The following UNC13C variants were observed in gnomAD, a reference collection of about 807,000 sequenced individuals.
UNC13C encodes protein unc-13 homolog C.
A neutral mutation model predicts 245.4 loss-of-function variants in UNC13C; 174 were observed. The ratio of observed to expected loss-of-function variants is 0.71; its 90% CI spans 0.63 to 0.80. The LOEUF (loss-of-function observed/expected upper bound fraction) is 0.80. Among genes scored for constraint, UNC13C ranks in the 30% least tolerant of loss-of-function variants. UNC13C has a pLI of 0.00. For missense variants in UNC13C, 2,829 were observed against 2,602.9 expected, an observed-to-expected ratio of 1.09 and a Z score of -1.89; for synonymous variants, 992 against 895.1, an observed-to-expected ratio of 1.11 and a Z score of -1.93.
At chr15:53,983,294 C>G (rs896833304) in intron 1 of UNC13C, among the ~76,000 whole-genome samples, 6 of 152,014 alleles carry the variant, frequency 3.9e-5, no homozygotes, top group African/African-American at 1.4e-4. Context: ...CTCTCCAGTG[C>G]CTTCCTCTCT....
chr15:54,001,402 A>G (rs964573622), intron 1 of UNC13C, among the ~76,000 whole-genome samples: 3 of 152,194 alleles, frequency 2.0e-5, no homozygotes, highest in African/African-American at 7.2e-5. Context: ...ACTGCATGTA[A>G]CACTATAGAT....
chr15:54,050,116 C>G (rs372277859), intron 2 of UNC13C: 4 of 337,590 alleles, frequency 1.2e-5, no homozygotes, highest in South Asian at 9.5e-5. Flanking sequence ...ATTACAGGCG[C>G]CCGCCACCAC....
At chr15:54,439,455 T>A (rs1416170854) in intron 19 of UNC13C, among the ~76,000 whole-genome samples, 1 of 152,012 alleles carries the variant, frequency 6.6e-6, no homozygotes, top group East Asian at 1.9e-4. Context: ...TTTGAAGTTA[T>A]TTGACTTGTA....
the UNC13C span, among the ~76,000 whole-genome samples, chr15:53,930,831 T>C: frequency 0.32 from 48,124 of 152,088 alleles, 7,739 homozygotes; most frequent in Non-Finnish European, 0.33. Context: ...CTCATGCATT[T>C]TAGTACTGAG....
chr15:54,030,734 C>T (rs1405905720), intron 2 of UNC13C, among the ~76,000 whole-genome samples: 2 of 152,144 alleles, frequency 1.3e-5, no homozygotes, highest in Non-Finnish European at 2.9e-5. Flanking sequence ...GGGCTGCTCT[C>T]TGCTTCTAAG....
At chr15:54,268,692 C>A (rs1485974815) in intron 10 of UNC13C, among the ~76,000 whole-genome samples, 1 of 152,074 alleles carries the variant, frequency 6.6e-6, no homozygotes, top group Non-Finnish European at 1.5e-5. Flanking sequence ...ATAATGAAGG[C>A]AAGACTCTTC....
intron 30 of UNC13C, among the ~76,000 whole-genome samples, chr15:54,613,409 T>C (rs1249546858): frequency 1.3e-5 from 2 of 152,004 alleles, no homozygotes; most frequent in Admixed American, 1.3e-4. Context: ...TATTCATGAA[T>C]GGTATACTAT....
intron 19 of UNC13C, among the ~76,000 whole-genome samples, chr15:54,441,845 T>C (rs1239541494): frequency 1.3e-5 from 2 of 152,140 alleles, no homozygotes; most frequent in African/African-American, 2.4e-5. Context: ...TCTATTTGTG[T>C]CATTTTCATT....
chr15:53,846,945 G>A, the UNC13C span, among the ~76,000 whole-genome samples: 2 of 152,108 alleles, frequency 1.3e-5, no homozygotes, highest in Non-Finnish European at 2.9e-5. Context: ...GAGGAGTCAA[G>A]TCTCACAGTG....
intron 26 of UNC13C, among the ~76,000 whole-genome samples, chr15:54,538,430 A>C (rs1270478263): frequency 6.6e-6 from 1 of 152,134 alleles, no homozygotes; most frequent in Non-Finnish European, 1.5e-5. Context: ...TGTGGAAAAC[A>C]GCTTGGAGAG....
At chr15:54,604,844 G>C (rs1201321715) in intron 30 of UNC13C, among the ~76,000 whole-genome samples, 1 of 152,160 alleles carries the variant, frequency 6.6e-6, no homozygotes, top group African/African-American at 2.4e-5. Context: ...ACAAAATGGA[G>C]TTCTCCTCAT....
intron 19 of UNC13C, among the ~76,000 whole-genome samples, chr15:54,452,836 C>G (rs776553473): frequency 1.3e-5 from 2 of 152,192 alleles, no homozygotes; most frequent in Non-Finnish European, 2.9e-5. Flanking sequence ...AGCCACTTTT[C>G]TATGTGCATG....
chr15:54,519,170 AT>A (rs750989449), intron 24 of UNC13C, among the ~76,000 whole-genome samples: 2 of 152,118 alleles, frequency 1.3e-5, no homozygotes, highest in East Asian at 3.9e-4. Flanking sequence ...AATTTCTGTC[AT>A]TATAAGGACA....
At chr15:54,079,313 T>C (rs955775327) in intron 2 of UNC13C, among the ~76,000 whole-genome samples, 1 of 152,130 alleles carries the variant, frequency 6.6e-6, no homozygotes, top group Non-Finnish European at 1.5e-5. Context: ...TAGTTCCATA[T>C]TAATTTTAAT....
At chr15:54,263,510 A>T (rs925810468) in intron 8 of UNC13C, among the ~76,000 whole-genome samples, 3 of 152,156 alleles carry the variant, frequency 2.0e-5, no homozygotes, top group African/African-American at 7.2e-5. Flanking sequence ...CAGTCATGAA[A>T]AACAATGTCC....
chr15:54,314,657 A>T (rs2037964631), intron 13 of UNC13C, among the ~76,000 whole-genome samples: 1 of 151,772 alleles, frequency 6.6e-6, no homozygotes, highest in Non-Finnish European at 1.5e-5. Flanking sequence ...CTTCAGAAAC[A>T]TTGGCAAAAC....
At chr15:54,280,522 T>C (rs972785010) in intron 10 of UNC13C, among the ~76,000 whole-genome samples, 1 of 151,200 alleles carries the variant, frequency 6.6e-6, no homozygotes, top group African/African-American at 2.4e-5. Context: ...ACAATAAGAA[T>C]TGTGCTCATT....
At chr15:54,472,287 C>G (rs927753847) in intron 19 of UNC13C, among the ~76,000 whole-genome samples, 1 of 151,706 alleles carries the variant, frequency 6.6e-6, no homozygotes. Flanking sequence ...CAGTTTACAT[C>G]TTTTAATAAT....
chr15:54,071,265 C>A (rs1192713962), intron 2 of UNC13C, among the ~76,000 whole-genome samples: 1 of 151,998 alleles, frequency 6.6e-6, no homozygotes, highest in Non-Finnish European at 1.5e-5. Flanking sequence ...TATCAATATT[C>A]TTGTGTCTGT....
Sources: gnomAD v4.1 joint callset for allele counts (sites outside exome capture counted in the v4.1 genomes callset) on GRCh38, gnomAD v4.1.1 for gene constraint, MANE v1.5 for transcripts, NCBI Gene and HGNC (gene_info 2026-07-23, HGNC 2026-07-21) for gene names.